Variants in TNRC6A observed in about 807,000 individuals in gnomAD.
The protein encoded by TNRC6A is trinucleotide repeat-containing gene 6A protein.
In TNRC6A, 44 loss-of-function variants were observed where a neutral mutation model predicts 221.2. The observed-to-expected ratio is 0.20, with a 90% CI of 0.16 to 0.26. The LOEUF (loss-of-function observed/expected upper bound fraction) is 0.26. TNRC6A is among the 10% of genes least tolerant of loss of function. TNRC6A has a pLI of 1.00. For synonymous variants in TNRC6A, 847 were observed against 838.5 expected, an observed-to-expected ratio of 1.01 and a Z score of -0.18; for missense variants, 2,199 against 2,404.4, an observed-to-expected ratio of 0.91 and a Z score of 1.79.
At chr16:24,694,236 T>A (rs896095139) in intron 2 of TNRC6A, among the ~76,000 whole-genome samples, 1 of 152,086 alleles carries the variant, frequency 6.6e-6, no homozygotes, top group African/African-American at 2.4e-5. Context: ...CTCGGTCTCT[T>A]GCCTGAGGCT....
At chr16:24,639,619 T>C (rs1901827867) in intron 1 of TNRC6A, among the ~76,000 whole-genome samples, 2 of 152,188 alleles carry the variant, frequency 1.3e-5, no homozygotes, top group Non-Finnish European at 2.9e-5. Flanking sequence ...AACTACTTAC[T>C]AAATACCTGT....
intron 1 of TNRC6A, among the ~76,000 whole-genome samples, chr16:24,615,345 C>T (rs562660270): frequency 1.3e-5 from 2 of 152,054 alleles, no homozygotes; most frequent in Non-Finnish European, 2.9e-5. Context: ...CTTGAGATCC[C>T]GTGAGACATC....
intron 2 of TNRC6A, among the ~76,000 whole-genome samples, chr16:24,710,459 T>C (rs997343300): frequency 6.6e-6 from 1 of 151,896 alleles, no homozygotes; most frequent in African/African-American, 2.4e-5. Flanking sequence ...AACAGAAAAA[T>C]TGGCTAGATG....
chr16:24,725,931 C>T (rs1380544484), upstream of TNRC6A, among the ~76,000 whole-genome samples: 4 of 151,286 alleles, frequency 2.6e-5, no homozygotes, highest in Non-Finnish European at 5.9e-5. Context: ...ACCCGGGAGG[C>T]AGAGGTTGCA....
chr16:24,811,682 G>A lies in TNRC6A; in HGVS notation c.4672+2201G>A, dbSNP rs546748498. On this transcript the variant is annotated intron_variant, in intron 18 of 24. Transcript: ENST00000395799. ...ATTTGCACTTTCGAATGATGCCTCTGGGTGCAGTGTGGAGAATTGGAGTAG... is the reference window on the plus strand; with the variant it reads ...ATTTGCACTTTCGAATGATGCCTCTAGGTGCAGTGTGGAGAATTGGAGTAG... Among the ~76,000 whole-genome samples, 3 of 152,026 alleles carry A rather than the reference G, an allele frequency of 2.0e-5. No homozygotes were observed. The South Asian group carries it at 6.2e-4, about 32-fold the overall frequency.
At chr16:24,649,288 CTTTGTTTTTTGT>C (rs1356509786) in intron 2 of TNRC6A, among the ~76,000 whole-genome samples, 1 of 151,294 alleles carries the variant, frequency 6.6e-6, no homozygotes, top group African/African-American at 2.4e-5. Flanking sequence ...TTTTTGTTTT[CTTTGTTTTTTGT>C]TTTGTTTTGT....
rs778441187 is a variant in TNRC6A at position 24,815,320 on chromosome 16, A to G, written c.4831+15A>G. 2.5e-5 allele frequency: 40 copies of G among 1,613,554 alleles called. No homozygotes were observed. The East Asian group carries it at 8.0e-4, about 32-fold the overall frequency. The stretch of plus-strand genomic sequence containing the variant: ...TTGGCCACCAGGTAAAATTTTTTCT[A>G]ACACTTTCTTTCATGAGACTGTGTT... On this transcript the variant is annotated intron_variant, in intron 19 of 24. Transcript: ENST00000395799.
intron 2 of TNRC6A, among the ~76,000 whole-genome samples, chr16:24,743,848 T>C (rs2056945660): frequency 6.6e-6 from 1 of 152,220 alleles, no homozygotes; most frequent in African/African-American, 2.4e-5. Context: ...AGTACCATTA[T>C]GAAAATGGGC....
chr16:24,778,173 G>A (rs1025272201), intron 5 of TNRC6A, among the ~76,000 whole-genome samples: 2 of 152,128 alleles, frequency 1.3e-5, no homozygotes, highest in African/African-American at 2.4e-5. Flanking sequence ...CTTACATCCC[G>A]GTGCCCCCAT....
intron 1 of TNRC6A, among the ~76,000 whole-genome samples, chr16:24,618,114 T>C (rs1366966667): frequency 7.4e-6 from 1 of 134,336 alleles, no homozygotes; most frequent in African/African-American, 3.0e-5. Context: ...GAGATGGGGT[T>C]TCGCCATGTT....
Position 24,776,262 on chromosome 16 carries a change from C to T in TNRC6A, c.164-671C>T, listed in dbSNP as rs544828131. On this transcript the variant is annotated intron_variant, in intron 4 of 24. Transcript: ENST00000395799. ...CAAAAATTTCCCTATTTGCAGTTTC[C>T]GATTTATTTTTCAGATTTAAGATAG... 40 of 984,480 alleles carry T rather than the reference C, an allele frequency of 4.1e-5. No individual in the cohort carries two copies. The Admixed American group carries it at 8.0e-4, about 20-fold the overall frequency. The allele number at this position is 984,480 out of a possible 1,614,324, so 61.0% of individuals were successfully genotyped here. A position where few individuals can be genotyped will look rare whatever the true frequency, so the allele number is the denominator to read the frequency against.
Position 24,741,342 on chromosome 16 carries a change from A to T in TNRC6A, c.54-9384A>T, listed in dbSNP as rs145531727. Among the ~76,000 whole-genome samples the T allele has an allele frequency of 1.7e-3, 263 of 152,292 alleles. 1 individual carries two copies. The highest frequency in any genetic ancestry group is 0.014 in the Middle Eastern group (4 of 294). On this transcript the variant is annotated intron_variant, in intron 2 of 24. Transcript: ENST00000395799. ...CCTGTTTTGAGTGTTTTTGTCTTGT[A>T]AAAGGATACTGGATTTTGTCAGATG...
chr16:24,769,884 G>A (rs1409781503), intron 4 of TNRC6A, among the ~76,000 whole-genome samples: 5 of 152,108 alleles, frequency 3.3e-5, no homozygotes, highest in African/African-American at 1.2e-4. Context: ...TGTATGCTTG[G>A]CAATTCCTGG....
intron 2 of TNRC6A, among the ~76,000 whole-genome samples, chr16:24,692,774 A>T (rs754679728): frequency 3.9e-5 from 6 of 152,064 alleles, no homozygotes; most frequent in Admixed American, 6.6e-5. Flanking sequence ...CATATTATAC[A>T]TGTAACTCTG....
At chr16:24,662,495 A>AAC (rs1555486596) in intron 2 of TNRC6A, 3 of 150,184 alleles carry the variant, frequency 2.0e-5, no homozygotes, top group African/African-American at 7.4e-5. Context: ...GAAAAAAACA[A>AAC]AAAAAAAAGG....
chr16:24,680,608 T>C (rs1445404331), intron 2 of TNRC6A, among the ~76,000 whole-genome samples: 3 of 151,506 alleles, frequency 2.0e-5, no homozygotes, highest in African/African-American at 7.3e-5. Context: ...TCCCAGATAC[T>C]TGGGAGGCTG....
intron 5 of TNRC6A, among the ~76,000 whole-genome samples, chr16:24,786,312 G>GTTGTTTTGTT: frequency 6.6e-6 from 1 of 151,368 alleles, no homozygotes; most frequent in East Asian, 1.9e-4. Context: ...TGTTGTTGTT[G>GTTGTTTTGTT]TTGTTTTGTT....
intron 2 of TNRC6A, among the ~76,000 whole-genome samples, chr16:24,749,652 G>A (rs189400002): frequency 1.1e-4 from 17 of 152,272 alleles, no homozygotes; most frequent in East Asian, 9.7e-4. Context: ...ATTCTTGGGT[G>A]GGGTGGCTTT....
At chr16:24,707,104 T>A (rs1291612309) in intron 2 of TNRC6A, among the ~76,000 whole-genome samples, 1 of 152,014 alleles carries the variant, frequency 6.6e-6, no homozygotes, top group Non-Finnish European at 1.5e-5. Context: ...CAAGAGATCC[T>A]CCTTCCTCAC....
Sources: gnomAD v4.1 joint callset for allele counts (sites outside exome capture counted in the v4.1 genomes callset) on GRCh38, gnomAD v4.1.1 for gene constraint, MANE v1.5 for transcripts, NCBI Gene and HGNC (gene_info 2026-07-23, HGNC 2026-07-21) for gene names.